NCOR2: variants seen among roughly 807,000 people sequenced by gnomAD.
The protein encoded by NCOR2 is nuclear receptor corepressor 2.
In NCOR2, 81 loss-of-function variants were observed where a neutral mutation model predicts 262.9. The ratio of observed to expected loss-of-function variants is 0.31; its 90% CI spans 0.26 to 0.37. The LOEUF (loss-of-function observed/expected upper bound fraction) is 0.37, where lower values mean the gene tolerates loss of function less well. Ranked by LOEUF, NCOR2 falls within the 10% of genes least tolerant of loss-of-function variation. NCOR2 has a pLI of 1.00. For synonymous variants in NCOR2, 1,659 were observed against 1,559.3 expected, an observed-to-expected ratio of 1.06 and a Z score of -1.51; for missense variants, 3,385 against 3,621.4, an observed-to-expected ratio of 0.93 and a Z score of 1.68.
At chr12:124,471,594 T>TA (rs2046837332) in intron 4 of NCOR2, among the ~76,000 whole-genome samples, 1 of 152,248 alleles carries the variant, frequency 6.6e-6, no homozygotes, top group Non-Finnish European at 1.5e-5. Flanking sequence ...TTTGTTGAGA[T>TA]AGAGTCTCAC....
At chr12:124,339,904 C>CCCCCCCCCCCCCTAT in intron 37 of NCOR2, 102 bp downstream of exon 39, 1 of 776,828 alleles carries the variant, frequency 1.3e-6, no homozygotes, top group Non-Finnish European at 2.0e-6. Flanking sequence ...CCCACCCACC[C>CCCCCCCCCCCCCTAT]ACCTCCCATA....
At chr12:124,325,928 G>C (rs1035691793) in intron 46 of NCOR2, among the ~76,000 whole-genome samples, 9 of 152,080 alleles carry the variant, frequency 5.9e-5, no homozygotes, top group Admixed American at 3.9e-4. Context: ...GGAAGTCCAG[G>C]CTCCCCTGGA....
intron 1 of NCOR2, among the ~76,000 whole-genome samples, chr12:124,508,909 C>A (rs571153775): frequency 6.6e-6 from 1 of 152,014 alleles, no homozygotes; most frequent in African/African-American, 2.4e-5. Flanking sequence ...GGAGGTGGAG[C>A]GCCAGCAACG....
At chr12:124,496,949 A>G (rs573769790), upstream of NCOR2, among the ~76,000 whole-genome samples, 36 of 152,222 alleles carry the variant, frequency 2.4e-4, no homozygotes, top group Non-Finnish European at 4.6e-4. The surrounding 1 kb of genome is among the most constrained non-coding windows in gnomAD (Gnocchi z 4.4). Flanking sequence ...GGGGGCCACC[A>G]TGCAGCAGGA....
At chr12:124,337,086 T>A in exon 38 of NCOR2, 2 of 1,496,678 alleles carry the variant, frequency 1.3e-6, no homozygotes, top group Non-Finnish European at 1.8e-6. Context: ...TCCATGAGGG[T>A]AGGGTAGACC....
At chr12:124,553,199 C>T (rs1433251554) in intron 1 of NCOR2, among the ~76,000 whole-genome samples, 1 of 152,198 alleles carries the variant, frequency 6.6e-6, no homozygotes, top group East Asian at 1.9e-4. Flanking sequence ...CTTCAAATCT[C>T]TCTGACCTCC....
intron 1 of NCOR2, among the ~76,000 whole-genome samples, chr12:124,556,814 C>T (rs1227007836): frequency 2.0e-5 from 3 of 150,938 alleles, no homozygotes; most frequent in African/African-American, 7.3e-5. Context: ...TGCCACTGTA[C>T]TTCCAGCCTG....
intron 1 of NCOR2, among the ~76,000 whole-genome samples, chr12:124,526,373 C>T (rs1031730506): frequency 6.6e-6 from 1 of 152,176 alleles, no homozygotes; most frequent in Non-Finnish European, 1.5e-5. Flanking sequence ...TGCACAAGTA[C>T]ACCCTGTAAA....
At chr12:124,364,275 T>A (rs530002096) in intron 20 of NCOR2, among the ~76,000 whole-genome samples, 72 of 152,244 alleles carry the variant, frequency 4.7e-4, no homozygotes, top group African/African-American at 1.7e-3. Context: ...AATGAAGAGA[T>A]TCACCAAGAG....
intron 6 of NCOR2, among the ~76,000 whole-genome samples, chr12:124,455,523 C>A (rs532313726): frequency 1.3e-5 from 2 of 152,228 alleles, no homozygotes; most frequent in Non-Finnish European, 2.9e-5. Flanking sequence ...TCTGAGTGGG[C>A]CTGGGAGCCC....
rs552825377 is a variant in NCOR2, at chr12:124,421,403, C to T, written c.1383+1098G>A. On this transcript the variant is annotated intron_variant, in intron 12 of 46. Coordinates refer to ENST00000405201, the Ensembl canonical transcript of NCOR2. Reference sequence around the variant, plus strand: ...TCCTGGGGAGCCCTAACCTAGAGTCCGCCGTGCCGTCCACTCCCTGAGGGA... The same window carrying T: ...TCCTGGGGAGCCCTAACCTAGAGTCTGCCGTGCCGTCCACTCCCTGAGGGA... Among the ~76,000 whole-genome samples the T allele has an allele frequency of 8.5e-5, 13 of 152,358 alleles. No homozygotes were observed. The South Asian group carries it at 1.2e-3, about 15-fold the overall frequency.
intron 4 of NCOR2, among the ~76,000 whole-genome samples, chr12:124,472,470 G>C (rs889452224): frequency 6.6e-6 from 1 of 152,160 alleles, no homozygotes; most frequent in African/African-American, 2.4e-5. Flanking sequence ...AGTCCATTCA[G>C]ATTCCAGAGC....
Position 124,363,904 on chromosome 12 carries a change from C to T in NCOR2, c.2808-105G>A, listed in dbSNP as rs923778807. 28 of 1,004,416 alleles carry T rather than the reference C, an allele frequency of 2.8e-5. No homozygotes were observed. The African/African-American group carries it at 3.1e-4, about 11-fold the overall frequency. 62.2% of individuals were successfully genotyped at this position (1,004,416 alleles called of 1,614,324 possible). On this transcript the variant is annotated intron_variant, in intron 20 of 46. Transcript: ENST00000405201. ...CCTCTCCTGTCTCAAGCCCTGGGGA[C>T]GAGGCTAAGGCCCTGAGACACGAGG...
intron 1 of NCOR2, among the ~76,000 whole-genome samples, chr12:124,511,869 C>T (rs1037145947): frequency 6.6e-6 from 1 of 152,212 alleles, no homozygotes; most frequent in Non-Finnish European, 1.5e-5. Context: ...TTTCCTAGGG[C>T]TGCCATAAAA....
intron 7 of NCOR2, among the ~76,000 whole-genome samples, chr12:124,439,211 G>GGA (rs2044638944): frequency 7.6e-6 from 1 of 132,094 alleles, no homozygotes; most frequent in African/African-American, 2.9e-5. Flanking sequence ...AGAGACAGAG[G>GGA]GAGACAGAGA....
intron 17 of NCOR2, among the ~76,000 whole-genome samples, chr12:124,380,054 G>A (rs2040297764): frequency 6.6e-6 from 1 of 152,250 alleles, no homozygotes; most frequent in African/African-American, 2.4e-5. Flanking sequence ...CCACCGGTCT[G>A]TGGTACTTCC....
In NCOR2 at chr12:124,329,620, T is replaced by C. The variant is rs953654664; in HGVS notation, c.6958+1225A>G. ...ACTCGGGTGCAGTGGCGCATGCCTG[T>C]AGTCCCAGCTGCTCAGGAGGCTGAG... On this transcript the variant is annotated intron_variant, in intron 44 of 46. Coordinates refer to ENST00000405201, the Ensembl canonical transcript of NCOR2. Among the ~76,000 whole-genome samples, 14 of 151,640 alleles carry C rather than the reference T, an allele frequency of 9.2e-5. No individual in the cohort carries two copies. The South Asian group carries it at 1.9e-3, about 20-fold the overall frequency.
intron 1 of NCOR2, among the ~76,000 whole-genome samples, chr12:124,491,538 C>G (rs1242969220): frequency 6.6e-6 from 1 of 152,198 alleles, no homozygotes; most frequent in Non-Finnish European, 1.5e-5. Flanking sequence ...GGTTAAGTAA[C>G]TTGCCCAAGG....
rs142196024 is a variant in NCOR2 at position 124,332,094 on chromosome 12, ATTC to A, written c.6904+222_6904+224del. 4,604 of 568,162 alleles carry A rather than the reference ATTC, an allele frequency of 8.1e-3. 157 individuals are homozygous for A. Among genetic ancestry groups the A allele is most frequent in the African/African-American group, 0.073 (3,869 of 53,256 alleles). The allele number at this position is 568,162 out of a possible 1,614,324, so 35.2% of individuals were successfully genotyped here. ...GGGCACCTACTATGTGCTGGGTGCT[ATTC>A]TTCTGTGCCAGTAAGCTCCTATGGA... On this transcript the variant is annotated intron_variant, in intron 43 of 46. Transcript: ENST00000405201.
Sources: gnomAD v4.1 joint callset for allele counts (sites outside exome capture counted in the v4.1 genomes callset) on GRCh38, gnomAD v4.1.1 for gene constraint, Gnocchi (gnomAD v3.1) non-coding constraint, MANE v1.5 for transcripts, NCBI Gene and HGNC (gene_info 2026-07-23, HGNC 2026-07-21) for gene names.